Variants in CABCOCO1 observed in about 807,000 individuals in gnomAD.
CABCOCO1 encodes ciliary-associated calcium-binding coiled-coil protein 1.
A neutral mutation model predicts 35.7 loss-of-function variants in CABCOCO1; 28 were observed. The ratio of observed to expected loss-of-function variants is 0.78; its 90% CI spans 0.58 to 1.07. CABCOCO1 has a LOEUF of 1.07. Ranked by LOEUF, CABCOCO1 falls within the 50% of genes least tolerant of loss-of-function variation. The pLI is 0.00. For missense variants in CABCOCO1, 326 were observed against 309.2 expected (o/e 1.05, Z -0.41); for synonymous variants, 95 against 100.1 (o/e 0.95, Z 0.30).
intron 5 of CABCOCO1, among the ~76,000 whole-genome samples, chr10:61,704,173 G>T (rs191748177): frequency 6.6e-6 from 1 of 152,154 alleles, no homozygotes; most frequent in Non-Finnish European, 1.5e-5. Context: ...GCAGGGAGCC[G>T]AGATAGTGCC....
At chr10:61,742,722 G>A (rs1394994910) in intron 5 of CABCOCO1, among the ~76,000 whole-genome samples, 2 of 152,182 alleles carry the variant, frequency 1.3e-5, no homozygotes, top group East Asian at 3.8e-4. Context: ...ATGGTAGGAT[G>A]TACTTGCATT....
Position 61,722,944 on chromosome 10 carries a change from A to C in CABCOCO1, c.552+32323A>C, listed in dbSNP as rs1327789228. On this transcript the variant is annotated intron_variant, in intron 5 of 7. Transcript: ENST00000648843. Reference sequence around the variant, plus strand: ...TTTTTAAAGCTTCAAATAATTGATAATTGACCCGTATTTAACAAGGCTAGA... The same window carrying C: ...TTTTTAAAGCTTCAAATAATTGATACTTGACCCGTATTTAACAAGGCTAGA... 9.8e-5 allele frequency among the ~76,000 whole-genome samples: 15 copies of C among 152,352 alleles called. No individual in the cohort carries two copies. In the East Asian group the frequency reaches 2.9e-3, roughly 29 times the overall value.
intron 7 of CABCOCO1, among the ~76,000 whole-genome samples, chr10:61,763,257 A>C (rs989349115): frequency 6.6e-6 from 1 of 152,082 alleles, no homozygotes; most frequent in African/African-American, 2.4e-5. Context: ...ATGTGGTTTC[A>C]GGCATATTTT....
At chr10:61,762,888 T>C (rs141851321) in intron 7 of CABCOCO1, among the ~76,000 whole-genome samples, 199 of 152,178 alleles carry the variant, frequency 1.3e-3, no homozygotes, top group African/African-American at 4.6e-3. Context: ...CCTTGTGTCT[T>C]GGTCAAATTC....
At chr10:61,680,665 G>A (rs1446519931) in intron 2 of CABCOCO1, among the ~76,000 whole-genome samples, 2 of 61,278 alleles carry the variant, frequency 3.3e-5, no homozygotes, top group African/African-American at 5.3e-5. Context: ...TGTTATACAT[G>A]TATAACATAT....
chr10:61,672,814 T>C, intron 2 of CABCOCO1, 79 bp downstream of exon 2: 1 of 864,302 alleles, frequency 1.2e-6, no homozygotes, highest in Non-Finnish European at 1.4e-6. Flanking sequence ...ATTACATGTA[T>C]AAGCTTTTTT....
chr10:61,748,373 A>G (rs1224267111), intron 5 of CABCOCO1, among the ~76,000 whole-genome samples: 2 of 152,200 alleles, frequency 1.3e-5, no homozygotes, highest in Non-Finnish European at 2.9e-5. Context: ...ACCCTCAGAG[A>G]GTTTTGTTTA....
chr10:61,666,436 C>T (rs1040761033), intron 1 of CABCOCO1, among the ~76,000 whole-genome samples: 1 of 152,136 alleles, frequency 6.6e-6, no homozygotes, highest in African/African-American at 2.4e-5. Context: ...TACTAATGGA[C>T]CTCAACATGT....
At position 61,760,317 on chromosome 10, in the gene CABCOCO1, T is replaced by G. The variant is rs1841983290; in HGVS notation, c.675+136T>G. 3 of 1,248,028 alleles carry G rather than the reference T, an allele frequency of 2.4e-6. No individual in the cohort carries two copies. In the Admixed American group the frequency reaches 7.7e-5, roughly 32 times the overall value. 77.3% of individuals were successfully genotyped at this position (1,248,028 alleles called of 1,614,324 possible). A position where few individuals can be genotyped will look rare whatever the true frequency, so the allele number is the denominator to read the frequency against. ...AACCAAATACAAATATTTCTCTAAG[T>G]GTTGATTCAAAGATGAGTCCGCTGA... is the stretch of plus-strand genomic sequence containing the variant. On this transcript the variant is annotated intron_variant, in intron 6 of 7. Transcript: ENST00000648843.
chr10:61,720,714 A>G (rs1840985459), intron 5 of CABCOCO1, among the ~76,000 whole-genome samples: 2 of 152,152 alleles, frequency 1.3e-5, no homozygotes, highest in South Asian at 2.1e-4. Context: ...TGAGGACAAA[A>G]CCTTCAGAGA....
chr10:61,718,678 T>C (rs1248295792), intron 5 of CABCOCO1, among the ~76,000 whole-genome samples: 1 of 152,182 alleles, frequency 6.6e-6, no homozygotes, highest in Non-Finnish European at 1.5e-5. Context: ...GTCTACAAAG[T>C]AGACAGTTCA....
chr10:61,747,355 G>C (rs978273636), intron 5 of CABCOCO1, among the ~76,000 whole-genome samples: 2 of 152,106 alleles, frequency 1.3e-5, no homozygotes, highest in Non-Finnish European at 2.9e-5. Flanking sequence ...TGAAGAAATA[G>C]AATGTGTCAT....
At chr10:61,673,530 T>C (rs953623749) in intron 2 of CABCOCO1, among the ~76,000 whole-genome samples, 2 of 152,116 alleles carry the variant, frequency 1.3e-5, no homozygotes, top group Non-Finnish European at 1.5e-5. Flanking sequence ...AACAGACAAA[T>C]AGAAAATGAC....
chr10:61,698,099 T>A lies in CABCOCO1; in HGVS notation c.552+7478T>A, dbSNP rs142141360. ...CACATCAAATCTTAGATCATTTGTA[T>A]TTTCAAAGGTTATATCCTATGTATG... On this transcript the variant is annotated intron_variant, in intron 5 of 7. Coordinates refer to ENST00000648843, the MANE Select transcript of CABCOCO1 (RefSeq NM_001366906.2). Among the ~76,000 whole-genome samples the A allele has an allele frequency of 1.6e-3, 247 of 152,276 alleles. 1 individual carries two copies. Among genetic ancestry groups the A allele is most frequent in the African/African-American group, 5.6e-3 (234 of 41,574 alleles).
At chr10:61,757,678 G>A (rs1004188720) in intron 5 of CABCOCO1, among the ~76,000 whole-genome samples, 1 of 134,842 alleles carries the variant, frequency 7.4e-6, no homozygotes, top group Non-Finnish European at 1.6e-5. Flanking sequence ...CCAAGTGTGT[G>A]CCCAGTACAC....
chr10:61,681,301 A>G lies in CABCOCO1; in HGVS notation c.323A>G (p.Gln108Arg). ...ATGACTTTACTAGCTATGTCACTTCAAAATCTTAAAAGTAAGTACACTATT... is the reference window on the plus strand; with the variant it reads ...ATGACTTTACTAGCTATGTCACTTCGAAATCTTAAAAGTAAGTACACTATT... Reference protein sequence around the residue: ...KFMTLLAMSLQNLKTLHMSLE... With the variant: ...KFMTLLAMSLRNLKTLHMSLE... Residue 108 changes from glutamine (Q) to arginine (R), a missense_variant, in exon 3 of 8, where the codon CAA (glutamine) becomes CGA (arginine). Physicochemically the swap from Gln to Arg is conservative, Grantham distance 43. Coordinates refer to ENST00000648843, the MANE Select transcript of CABCOCO1 (RefSeq NM_001366906.2). 1 of 1,543,646 alleles carries G rather than the reference A, an allele frequency of 6.5e-7. No individual in the cohort carries two copies. Among genetic ancestry groups the G allele is most frequent in the Non-Finnish European group, 8.9e-7 (1 of 1,128,782 alleles).
At chr10:61,688,591 C>T (rs1459699514) in intron 4 of CABCOCO1, among the ~76,000 whole-genome samples, 5 of 152,162 alleles carry the variant, frequency 3.3e-5, no homozygotes, top group Non-Finnish European at 5.9e-5. Flanking sequence ...CCCAAATACA[C>T]GTCTGCCGTT....
intron 5 of CABCOCO1, among the ~76,000 whole-genome samples, chr10:61,747,985 G>A (rs1391222273): frequency 1.3e-5 from 2 of 152,096 alleles, no homozygotes; most frequent in Non-Finnish European, 2.9e-5. Context: ...TAATATTCCA[G>A]TTTTATCACC....
At chr10:61,697,377 T>C (rs1840323939) in intron 5 of CABCOCO1, among the ~76,000 whole-genome samples, 1 of 152,154 alleles carries the variant, frequency 6.6e-6, no homozygotes, top group Non-Finnish European at 1.5e-5. Context: ...ATGTAGTAGA[T>C]TCCTATGTAT....
Sources: allele counts gnomAD v4.1 joint callset (sites outside exome capture counted in the v4.1 genomes callset), GRCh38; gene constraint gnomAD v4.1.1; transcripts MANE v1.5; gene names NCBI Gene and HGNC (gene_info 2026-07-23, HGNC 2026-07-21).